Variants in GPHN observed in about 807,000 individuals in gnomAD.
The protein encoded by GPHN is gephyrin.
Under a neutral mutation model 95.5 loss-of-function variants are expected in GPHN, and 17 were observed. That is an observed-to-expected ratio of 0.18 (90% CI 0.12 to 0.27). The LOEUF is 0.27. GPHN is among the 10% of genes least tolerant of loss of function. The pLI is 1.00. For missense variants in GPHN, 660 were observed against 978.1 expected, an observed-to-expected ratio of 0.67 and a Z score of 4.34; for synonymous variants, 320 against 322.5, an observed-to-expected ratio of 0.99 and a Z score of 0.08.
chr14:67,120,703 C>T (rs2078970528), intron 16 of GPHN, among the ~76,000 whole-genome samples: 1 of 152,138 alleles, frequency 6.6e-6, no homozygotes, highest in Non-Finnish European at 1.5e-5. Context: ...AGCCTTGCCC[C>T]TTATAAAATT....
chr14:67,596,183 C>G, the GPHN span, among the ~76,000 whole-genome samples: 1 of 151,636 alleles, frequency 6.6e-6, no homozygotes, highest in African/African-American at 2.4e-5. Flanking sequence ...GGCTGGAGTG[C>G]AATGGTGTGA....
intron 3 of GPHN, among the ~76,000 whole-genome samples, chr14:66,796,955 T>TA (rs2060178190): frequency 6.6e-6 from 1 of 151,770 alleles, no homozygotes; most frequent in Admixed American, 6.6e-5. Flanking sequence ...TTTGAGGTCT[T>TA]ACATTTAATT....
intron 1 of GPHN, among the ~76,000 whole-genome samples, chr14:66,583,093 G>A (rs1374865726): frequency 6.6e-6 from 1 of 151,552 alleles, no homozygotes; most frequent in Non-Finnish European, 1.5e-5. Flanking sequence ...GGTGTGAGAT[G>A]GTATCTCATT....
chr14:66,687,484 TG>T (rs1339386096), intron 2 of GPHN, among the ~76,000 whole-genome samples: 4 of 149,108 alleles, frequency 2.7e-5, no homozygotes, highest in African/African-American at 7.5e-5. Context: ...TTATTTTATT[TG>T]GTTTTTTTTT....
chr14:67,121,920 T>A (rs559609610), intron 16 of GPHN, among the ~76,000 whole-genome samples: 44 of 152,186 alleles, frequency 2.9e-4, no homozygotes, highest in Non-Finnish European at 2.4e-4. Context: ...AATTGGAAAA[T>A]AATATTGGGA....
At chr14:66,803,500 A>C (rs1255646002) in intron 3 of GPHN, among the ~76,000 whole-genome samples, 2 of 152,110 alleles carry the variant, frequency 1.3e-5, no homozygotes, top group African/African-American at 4.8e-5. Flanking sequence ...TTTTTGTTCC[A>C]CCATCTCACT....
rs533053216 is a variant in GPHN at position 66,690,317 on chromosome 14, A to AT, written c.143+9135dup. Among the ~76,000 whole-genome samples, 42 of 152,152 alleles carry AT rather than the reference A, an allele frequency of 2.8e-4. No homozygotes were observed. In the East Asian group the frequency reaches 7.5e-3, roughly 27 times the overall value. On this transcript the variant is annotated intron_variant, in intron 2 of 22. Transcript: ENST00000478722. ...CGTTCATTGTAGAACATGTTCTTCAATTTCCCTATATTCTCACAGTTTCAG... is the reference window on the plus strand; with the variant it reads ...CGTTCATTGTAGAACATGTTCTTCAATTTTCCCTATATTCTCACAGTTTCAG...
the GPHN span, among the ~76,000 whole-genome samples, chr14:67,202,621 CTA>C: frequency 1.3e-5 from 2 of 152,034 alleles, no homozygotes; most frequent in African/African-American, 4.8e-5. Flanking sequence ...TTAATTGGCT[CTA>C]TGGAATTTAA....
the GPHN span, chr14:67,353,556 C>G: frequency 6.6e-6 from 1 of 152,150 alleles, no homozygotes; most frequent in Non-Finnish European, 1.5e-5. Context: ...GGCGCGATCT[C>G]GACTCATTGC....
At chr14:67,676,509 T>G in the GPHN span, among the ~76,000 whole-genome samples, 1 of 152,102 alleles carries the variant, frequency 6.6e-6, no homozygotes, top group African/African-American at 2.4e-5. Flanking sequence ...GGTGGGAGGA[T>G]CGCTTGAGCC....
intron 3 of GPHN, among the ~76,000 whole-genome samples, chr14:66,803,033 G>A (rs1011531257): frequency 4.6e-5 from 7 of 152,094 alleles, no homozygotes; most frequent in African/African-American, 1.7e-4. Flanking sequence ...CCTAATTATT[G>A]CAGTCCTTGT....
downstream of GPHN, among the ~76,000 whole-genome samples, chr14:67,184,331 A>G (rs996118227): frequency 6.6e-5 from 10 of 152,228 alleles, no homozygotes; most frequent in Admixed American, 1.3e-4. Context: ...TATCATGATC[A>G]GAGATATCCT....
At chr14:67,667,503 T>C in the GPHN span, among the ~76,000 whole-genome samples, 2 of 152,154 alleles carry the variant, frequency 1.3e-5, no homozygotes, top group Admixed American at 1.3e-4. Flanking sequence ...TAAGGGTTGT[T>C]TGAAAGGGTT....
chr14:66,686,000 G>C (rs375059810), intron 2 of GPHN, among the ~76,000 whole-genome samples: 46,820 of 151,664 alleles, frequency 0.31, 10,923 homozygotes, highest in African/African-American at 0.63. Flanking sequence ...TTATTAAATA[G>C]GGAATCCTTT....
chr14:67,144,503 G>C (rs1352488525), intron 18 of GPHN, among the ~76,000 whole-genome samples: 1 of 151,552 alleles, frequency 6.6e-6, no homozygotes, highest in Non-Finnish European at 1.5e-5. Flanking sequence ...TTGGCTCAAA[G>C]ATATTTCAGT....
At chr14:67,515,662 C>T in the GPHN span, among the ~76,000 whole-genome samples, 3 of 152,186 alleles carry the variant, frequency 2.0e-5, no homozygotes, top group Non-Finnish European at 4.4e-5. Context: ...CAGGGCTCTT[C>T]GGCCCTCCCT....
chr14:67,395,421 G>A, the GPHN span: 4 of 1,613,782 alleles, frequency 2.5e-6, no homozygotes, highest in East Asian at 4.5e-5. Context: ...ATGTGCGGGG[G>A]CAGCTTGAAG....
rs41285470 is a variant in GPHN at position 66,924,264 on chromosome 14, A to G, written c.800A>G (p.Asn267Ser). Residue 267 changes from asparagine to serine, a missense_variant, in exon 8 of 23, where the codon AAT (asparagine) becomes AGT (serine). Transcript: ENST00000478722. ...HGEQPIPGLI[N>S]YSHHSTDERI... ...GAACAGCCCATCCCTGGTCTCATCA[A>G]TTATTCCCATCATTCAACAGATGAA... 11,266 of 1,608,422 alleles carry G rather than the reference A, an allele frequency of 7.0e-3. 59 individuals are homozygous for G. The highest frequency in any genetic ancestry group is 0.019 in the Middle Eastern group (118 of 6,054).
At chr14:67,672,651 C>A in the GPHN span, among the ~76,000 whole-genome samples, 1 of 151,576 alleles carries the variant, frequency 6.6e-6, no homozygotes, top group Non-Finnish European at 1.5e-5. Context: ...CCATATTGGC[C>A]AGGCTGGTCT....
Sources: gnomAD v4.1 joint callset for allele counts (sites outside exome capture counted in the v4.1 genomes callset) on GRCh38, gnomAD v4.1.1 for gene constraint, MANE v1.5 for transcripts, NCBI Gene and HGNC (gene_info 2026-07-23, HGNC 2026-07-21) for gene names.